Variants in HDAC4 observed in about 807,000 individuals in gnomAD.
HDAC4 encodes the protein histone deacetylase A.
In HDAC4, 16 loss-of-function variants were observed where a neutral mutation model predicts 135.1. That is an observed-to-expected ratio of 0.12 (90% CI 0.08 to 0.18). The LOEUF is 0.18. HDAC4 is among the 10% of genes least tolerant of loss of function. The pLI is 1.00. For synonymous variants in HDAC4, 685 were observed against 653.4 expected, an observed-to-expected ratio of 1.05 and a Z score of -0.74; for missense variants, 1,143 against 1,511.8, an observed-to-expected ratio of 0.76 and a Z score of 4.05.
chr2:239,195,367 C>CT (rs1222320883), intron 3 of HDAC4, among the ~76,000 whole-genome samples: 2 of 152,204 alleles, frequency 1.3e-5, no homozygotes, highest in African/African-American at 4.8e-5. Flanking sequence ...GATTCAATAA[C>CT]ACAAATGGAG....
intron 2 of HDAC4, among the ~76,000 whole-genome samples, chr2:239,318,709 T>C (rs904816183): frequency 2.0e-5 from 3 of 149,018 alleles, no homozygotes; most frequent in Non-Finnish European, 4.5e-5. Flanking sequence ...AGGATGCATA[T>C]CAATAAACAG....
At chr2:239,371,404 C>T (rs1025626176) in intron 1 of HDAC4, among the ~76,000 whole-genome samples, 1 of 152,074 alleles carries the variant, frequency 6.6e-6, no homozygotes, top group African/African-American at 2.4e-5. Flanking sequence ...AATACAAACA[C>T]AAGCATGCAC....
intron 9 of HDAC4, among the ~76,000 whole-genome samples, chr2:239,136,785 G>A (rs1462555635): frequency 1.3e-5 from 2 of 152,164 alleles, no homozygotes; most frequent in African/African-American, 4.8e-5. Flanking sequence ...AGGAAGAAAC[G>A]CTTCTCCTGA....
chr2:239,103,820 G>A (rs1335713477), intron 15 of HDAC4, among the ~76,000 whole-genome samples: 12 of 152,262 alleles, frequency 7.9e-5, no homozygotes, highest in Admixed American at 1.3e-4. Flanking sequence ...ACCAGGAGCC[G>A]TAGCACACAG....
Position 239,331,283 on chromosome 2 carries a change from C to A in HDAC4, c.22+21395G>T, listed in dbSNP as rs576890118. 6.6e-6 allele frequency among the ~76,000 whole-genome samples: 1 copy of A among 151,080 alleles called. No individual in the cohort carries two copies. The highest frequency in any genetic ancestry group is 1.5e-5 in the Non-Finnish European group (1 of 67,908). The stretch of plus-strand genomic sequence containing the variant: ...TTCGAGGGGAAAACGGTAAAAGCCA[C>A]GAGAAGGAGGCAGGATGGGGGAGGG... On this transcript the variant is annotated intron_variant, in intron 2 of 26. Coordinates refer to ENST00000543185, the MANE Select transcript of HDAC4 (RefSeq NM_001378414.1). The surrounding 1 kb of genome is among the most constrained non-coding windows in gnomAD (Gnocchi z 4.5).
intron 1 of HDAC4, among the ~76,000 whole-genome samples, chr2:239,388,435 C>A (rs917362725): frequency 6.6e-6 from 1 of 152,232 alleles, no homozygotes; most frequent in African/African-American, 2.4e-5. Context: ...ACGTTTGCAT[C>A]GGCCTTCTCA....
rs1693212780 is a variant in HDAC4 at position 239,352,145 on chromosome 2, C to T, written c.22+533G>A. On this transcript the variant is annotated intron_variant, in intron 2 of 26. Transcript: ENST00000543185. The surrounding 1 kb of genome is among the most constrained non-coding windows in gnomAD (Gnocchi z 4.4). Reference sequence around the variant, plus strand: ...TGACCTCAGGCAAATTACTTCTTCCCTCCAGGCCTGAGATGATCTGGGGCT... The same window carrying T: ...TGACCTCAGGCAAATTACTTCTTCCTTCCAGGCCTGAGATGATCTGGGGCT... 1.3e-5 allele frequency among the ~76,000 whole-genome samples: 2 copies of T among 152,180 alleles called. No homozygotes were observed. The highest frequency in any genetic ancestry group is 1.3e-4 in the Admixed American group (2 of 15,284).
At chr2:239,128,843 T>C (rs2040376365) in intron 11 of HDAC4, among the ~76,000 whole-genome samples, 2 of 152,170 alleles carry the variant, frequency 1.3e-5, no homozygotes, top group Middle Eastern at 3.2e-3. Flanking sequence ...GCCAACTTCA[T>C]AGGATTCAGC....
intron 18 of HDAC4, among the ~76,000 whole-genome samples, chr2:239,088,780 T>C (rs10208802): frequency 0.26 from 39,499 of 152,010 alleles, 5,316 homozygotes; most frequent in Admixed American, 0.32. Flanking sequence ...CCAGTGAAAA[T>C]TACAAGTTTG....
At position 239,111,569 on chromosome 2, in the gene HDAC4, G is replaced by A. The variant is rs569063568; in HGVS notation, c.1935C>T (p.Pro645=). The A allele has an allele frequency of 6.1e-5, 99 of 1,612,410 alleles. 1 individual carries two copies. In the South Asian group the frequency reaches 9.3e-4, roughly 15 times the overall value. Residue 645 remains proline (P), a synonymous_variant, in exon 14 of 27, where the codon CCC becomes CCT. Coordinates refer to ENST00000543185, the MANE Select transcript of HDAC4 (RefSeq NM_001378414.1). ...AQSSPASATF[P]VSVQEPPTKP... is the part of the protein sequence containing the mutation. ...TGGTGGGGGGCTCCTGCACAGACAC[G>A]GGGAAGGTGGCAGACGCGGGTGAGG...
intron 4 of HDAC4, 128 bp downstream of exon 4, chr2:239,189,705 A>T: frequency 1.2e-6 from 1 of 848,504 alleles, no homozygotes; most frequent in Non-Finnish European, 1.9e-6. Context: ...CCCAACGCAG[A>T]AGGCCTCCTG....
intron 1 of HDAC4, among the ~76,000 whole-genome samples, chr2:239,383,886 T>C (rs1245724193): frequency 6.6e-6 from 1 of 152,160 alleles, no homozygotes; most frequent in South Asian, 2.1e-4. Context: ...CCAGACAGCA[T>C]CAGCCCCGCC....
At position 239,322,215 on chromosome 2, in the gene HDAC4, A is replaced by T. The variant is rs73100802; in HGVS notation, c.22+30463T>A. Reference sequence around the variant, plus strand: ...GGGCTGAAGTGAAAGCTCAGCCTGCAACCAATCGGATGCTGAAGTGAAGGC... The same window carrying T: ...GGGCTGAAGTGAAAGCTCAGCCTGCTACCAATCGGATGCTGAAGTGAAGGC... On this transcript the variant is annotated intron_variant, in intron 2 of 26. Coordinates refer to ENST00000543185, the MANE Select transcript of HDAC4 (RefSeq NM_001378414.1). Among the ~76,000 whole-genome samples, 585 of 152,358 alleles carry T rather than the reference A, an allele frequency of 3.8e-3. 4 individuals carry two copies. The highest frequency in any genetic ancestry group is 0.014 in the African/African-American group (564 of 41,580).
chr2:239,238,006 T>TA (rs1270192896), intron 2 of HDAC4, among the ~76,000 whole-genome samples: 1 of 152,126 alleles, frequency 6.6e-6, no homozygotes, highest in Non-Finnish European at 1.5e-5. Context: ...AGTTACACCT[T>TA]AGAAGCAACC....
chr2:239,249,942 T>C (rs546949361), intron 2 of HDAC4, among the ~76,000 whole-genome samples: 6 of 152,328 alleles, frequency 3.9e-5, no homozygotes, highest in African/African-American at 1.4e-4. Flanking sequence ...CCGCGACAGC[T>C]GTGCTCCTTC....
chr2:239,225,926 T>A (rs4456728), intron 3 of HDAC4, among the ~76,000 whole-genome samples: 21,415 of 152,164 alleles, frequency 0.14, 2,106 homozygotes, highest in East Asian at 0.38. Flanking sequence ...ATGGGCAGGT[T>A]CCTCTGGTAG....
At chr2:239,180,029 C>T (rs1012596804) in intron 4 of HDAC4, among the ~76,000 whole-genome samples, 32 of 151,934 alleles carry the variant, frequency 2.1e-4, no homozygotes, top group African/African-American at 7.3e-4. Context: ...CAACCTTCAG[C>T]GGCGTTGGCA....
intron 2 of HDAC4, among the ~76,000 whole-genome samples, chr2:239,247,598 C>T (rs1049483506): frequency 2.0e-5 from 3 of 152,244 alleles, no homozygotes; most frequent in African/African-American, 7.2e-5. Flanking sequence ...AACCACTATA[C>T]AGACGAACCA....
At position 239,146,355 on chromosome 2, in the gene HDAC4, G is replaced by A. The variant is rs796072358; in HGVS notation, c.734-1641C>T. On this transcript the variant is annotated intron_variant, in intron 7 of 26. Transcript: ENST00000543185. This position sits in a 1 kb window ranked among gnomAD's most constrained non-coding sequence, Gnocchi z 4.5. ...GCTCTGCAGGGATTCCCCGGGCCTG[G>A]GACAGGAGCCACTTCTGAGAGGCAG... 1.6e-4 allele frequency among the ~76,000 whole-genome samples: 25 copies of A among 152,332 alleles called. No homozygotes were observed. The highest frequency in any genetic ancestry group is 5.8e-4 in the African/African-American group (24 of 41,588).
Sources: gnomAD v4.1 joint callset for allele counts (sites outside exome capture counted in the v4.1 genomes callset) on GRCh38, gnomAD v4.1.1 for gene constraint, Gnocchi (gnomAD v3.1) non-coding constraint, MANE v1.5 for transcripts, NCBI Gene and HGNC (gene_info 2026-07-23, HGNC 2026-07-21) for gene names.